Variants in COL5A3 observed in about 807,000 individuals in gnomAD.
COL5A3 encodes the protein collagen type V alpha 3 chain.
COL5A3 carries 172 observed loss-of-function variants against 250.0 expected under a neutral mutation model. The observed-to-expected ratio is 0.69, with a 90% confidence interval of 0.61 to 0.78. The LOEUF is 0.78. Ranked by LOEUF, COL5A3 falls within the 30% of genes least tolerant of loss-of-function variation. COL5A3 has a pLI of 0.00. For synonymous variants in COL5A3, 937 were observed against 900.4 expected (o/e 1.04, Z -0.73); for missense variants, 2,340 against 2,334.4 (o/e 1.00, Z -0.05).
rs2087370063 is a variant in COL5A3, at chr19:10,001,945, C to T, written c.850-64G>A. 6.1e-6 allele frequency: 7 copies of T among 1,155,110 alleles called. No individual in the cohort carries two copies. In the Admixed American group the frequency reaches 1.1e-4, roughly 18 times the overall value. The allele number at this position is 1,155,110 out of a possible 1,614,324, so 71.6% of individuals were successfully genotyped here. On this transcript the variant is annotated intron_variant, in intron 6 of 66. Transcript: ENST00000264828. ...GGGCAATCAAGACAAAAGGGAGGCA[C>T]CCTCCCACTGTCCCCAGGAGCTCCC... is the stretch of plus-strand genomic sequence containing the variant.
chr19:9,965,641 C>A (rs557985926), intron 64 of COL5A3, among the ~76,000 whole-genome samples: 4 of 151,396 alleles, frequency 2.6e-5, no homozygotes. Flanking sequence ...TTAGTAGAGA[C>A]GGGGTTTCAC....
intron 5 of COL5A3, 123 bp from the exon 6 acceptor site, chr19:10,003,837 C>A: frequency 7.6e-7 from 1 of 1,321,078 alleles, no homozygotes; most frequent in South Asian, 1.3e-5. Context: ...GACCTGGAGT[C>A]AACGTTATTC....
intron 23 of COL5A3, 38 bp downstream of exon 23, chr19:9,991,750 C>T (rs1422300531): frequency 2.5e-6 from 4 of 1,596,028 alleles, no homozygotes; most frequent in Non-Finnish European, 3.4e-6. Flanking sequence ...CTTAACTGAC[C>T]ACTCCCATGC....
chr19:9,982,191 A>G (rs2087021569), intron 31 of COL5A3, 73 bp from the exon 32 acceptor site: 1 of 1,013,020 alleles, frequency 9.9e-7, no homozygotes, highest in Admixed American at 2.5e-5. Context: ...CCCTCATACC[A>G]TCCTTTGAGG....
Position 9,966,690 on chromosome 19 carries a change from C to T in COL5A3, c.4515G>A (p.Pro1505=), listed in dbSNP as rs1380653370. 6.5e-7 allele frequency: 1 copy of T among 1,538,616 alleles called. No individual in the cohort carries two copies. Among genetic ancestry groups the T allele is most frequent in the East Asian group, 2.4e-5 (1 of 41,080 alleles). Residue 1505 remains proline, a synonymous_variant, in exon 63 of 67, where the codon CCG becomes CCA. Transcript: ENST00000264828. ...LRRRRRFVPV[P]LPVVEGGLEE... is the part of the protein sequence containing the mutation. ...CCAGGCCGCCCTCCACGACTGGAAG[C>T]GGGACTGGGACGAAGCGCCGGCGCC...
At chr19:9,978,840 C>G (rs751278458) in intron 40 of COL5A3, 51 bp downstream of exon 40, 4 of 1,269,102 alleles carry the variant, frequency 3.2e-6, no homozygotes, top group South Asian at 1.9e-5. Context: ...CTGACCCCCC[C>G]ATCCTTTCCT....
Position 10,010,454 on chromosome 19 carries a change from C to G in COL5A3, c.-69G>C. On this transcript the variant is annotated 5_prime_UTR_variant, in exon 1 of 67. Transcript: ENST00000264828. Reference sequence around the variant, plus strand: ...CTGCGGGGCGCGGCGACTTCTCGGGCTCGGTGCAGTCACTCGCGGCGGCCG... The same window carrying G: ...CTGCGGGGCGCGGCGACTTCTCGGGGTCGGTGCAGTCACTCGCGGCGGCCG... 5 of 1,077,620 alleles carry G rather than the reference C, an allele frequency of 4.6e-6. No individual in the cohort carries two copies. Among genetic ancestry groups the G allele is most frequent in the Non-Finnish European group, 6.2e-6 (5 of 812,444 alleles). The allele number at this position is 1,077,620 out of a possible 1,614,324, so 66.8% of individuals were successfully genotyped here.
rs535544122 is a variant in COL5A3, at chr19:9,970,639, C to A, written c.3919G>T (p.Gly1307Trp). The change falls in exon 54 of 67, where the codon GGG becomes TGG. Residue 1307 changes from glycine to tryptophan, a missense_variant. Gly to Trp is a radical substitution (Grantham distance 184). Around this residue, in one of 3 missense-constraint regions of COL5A3, gnomAD observed 1,179 missense variants for 1,162.6 expected, o/e 1.01. Transcript: ENST00000264828. ...TCACTTACCCTCTTGCCGGGGGGCC[C>A]GGGGGCGCCGGGCTCCCCAGAAGCT... ...PGASGEPGAPGPPGKRGPSGH... is the reference protein window; with the variant it reads ...PGASGEPGAPWPPGKRGPSGH... 6.9e-7 allele frequency: 1 copy of A among 1,451,212 alleles called. No homozygotes were observed. Among genetic ancestry groups the A allele is most frequent in the East Asian group, 2.6e-5 (1 of 38,262 alleles). The allele number at this position is 1,451,212 out of a possible 1,614,324, so 89.9% of individuals were successfully genotyped here.
intron 8 of COL5A3, among the ~76,000 whole-genome samples, chr19:9,999,471 T>TTTTTC (rs1555741159): frequency 5.2e-5 from 6 of 114,816 alleles, no homozygotes; most frequent in African/African-American, 1.9e-4. Flanking sequence ...TCTTTTTTCT[T>TTTTTC]TTTTTTTTTT....
chr19:9,980,911 G>A (rs1476565939), intron 33 of COL5A3, 52 bp from the exon 34 acceptor site: 1 of 1,571,248 alleles, frequency 6.4e-7, no homozygotes, highest in Non-Finnish European at 8.6e-7. Flanking sequence ...GGGGAGCCTG[G>A]GAGATGAGAC....
chr19:9,996,676 A>G lies in COL5A3; in HGVS notation c.1277T>C (p.Leu426Pro). The part of the protein sequence containing the change: ...GDPGPPGPAG[L>P]PGIPGIDGIR... Reference sequence around the variant, plus strand: ...CCCATCAATGCCGGGGATTCCTGGGAGGCCAGCAGGGCCCTGAGAGAGGGA... The same window carrying G: ...CCCATCAATGCCGGGGATTCCTGGGGGGCCAGCAGGGCCCTGAGAGAGGGA... Residue 426 changes from leucine (L) to proline (P), a missense_variant, in exon 12 of 67, where the codon CTC (leucine) becomes CCC (proline). Leu to Pro is a moderately conservative substitution (Grantham distance 98). This residue lies in a region of COL5A3 where 1,152 missense variants were observed against 1,146.3 expected (regional missense o/e 1.00). Coordinates refer to ENST00000264828, the MANE Select transcript of COL5A3 (RefSeq NM_015719.4). 6.2e-7 allele frequency: 1 copy of G among 1,606,166 alleles called. No individual in the cohort carries two copies. Among genetic ancestry groups the G allele is most frequent in the Non-Finnish European group, 8.5e-7 (1 of 1,177,914 alleles).
intron 24 of COL5A3, among the ~76,000 whole-genome samples, chr19:9,990,189 T>C (rs1186470936): frequency 1.3e-5 from 2 of 148,214 alleles, no homozygotes; most frequent in Admixed American, 6.7e-5. Context: ...AGGTCAGGAG[T>C]TCAAGACCAG....
At chr19:9,997,910 C>G in intron 10 of COL5A3, 74 bp downstream of exon 10, 1 of 1,544,528 alleles carries the variant, frequency 6.5e-7, no homozygotes, top group Admixed American at 1.7e-5. Context: ...CACCCCAACT[C>G]CTCACTCCAG....
At chr19:9,967,057 T>C (rs936963451) in intron 62 of COL5A3, among the ~76,000 whole-genome samples, 1 of 151,768 alleles carries the variant, frequency 6.6e-6, no homozygotes, top group Non-Finnish European at 1.5e-5. Context: ...GGCGCCAGTA[T>C]AGACAGAGAC....
chr19:9,978,487 T>C (rs2086954591), intron 41 of COL5A3, 87 bp downstream of exon 41: 1 of 890,454 alleles, frequency 1.1e-6, no homozygotes, highest in Non-Finnish European at 1.8e-6. Flanking sequence ...GCCTCCATCA[T>C]GGGTTTTATC....
intron 38 of COL5A3, 53 bp from the exon 39 acceptor site, chr19:9,979,292 A>G: frequency 2.5e-6 from 4 of 1,604,590 alleles, no homozygotes; most frequent in Non-Finnish European, 3.4e-6. Context: ...GGAGTCGCTC[A>G]GGAGTCCAGC....
intron 16 of COL5A3, 117 bp from the exon 17 acceptor site, chr19:9,993,923 TGTCACTCA>T (rs1261899397): frequency 3.4e-6 from 3 of 889,566 alleles, no homozygotes; most frequent in Admixed American, 4.4e-5. Flanking sequence ...GGTCTCCTTC[TGTCACTCA>T]GGTTGGAGTG....
intron 8 of COL5A3, among the ~76,000 whole-genome samples, 175 bp from the exon 9 acceptor site, chr19:9,998,324 G>A (rs944697416): frequency 8.6e-5 from 13 of 151,958 alleles, no homozygotes; most frequent in Admixed American, 5.9e-4. Context: ...TCAGCCCCCC[G>A]CATCCACCGG....
chr19:9,998,149 C>T lies in COL5A3; in HGVS notation c.1111G>A (p.Gly371Ser). Residue 371 changes from glycine to serine, a missense_variant and splice_region_variant, in exon 9 of 67, where the codon GGT becomes AGT. Physicochemically the swap from Gly to Ser is moderately conservative, Grantham distance 56. Coordinates refer to ENST00000264828, the MANE Select transcript of COL5A3 (RefSeq NM_015719.4). Reference sequence around the variant, plus strand: ...CCTTTTGCTCCTTTCTCTCCAGCACCCTGGGGTGGGGTCAGGGGAGATGGA... The same window carrying T: ...CCTTTTGCTCCTTTCTCTCCAGCACTCTGGGGTGGGGTCAGGGGAGATGGA... ...PSRTQFQIFP[G>S]AGEKGAKGEP... 6.2e-7 allele frequency: 1 copy of T among 1,613,198 alleles called. No individual in the cohort carries two copies. The highest frequency in any genetic ancestry group is 8.5e-7 in the Non-Finnish European group (1 of 1,179,628).
Sources: allele counts gnomAD v4.1 joint callset (sites outside exome capture counted in the v4.1 genomes callset), GRCh38; gene constraint gnomAD v4.1.1; regional missense constraint gnomAD v4.1.1; transcripts MANE v1.5; gene names NCBI Gene and HGNC (gene_info 2026-07-23, HGNC 2026-07-21).